Variants in STK24 observed in about 807,000 individuals in gnomAD.
The protein encoded by STK24 is serine/threonine kinase 24.
STK24 carries 21 observed loss-of-function variants against 55.6 expected under a neutral mutation model. The ratio of observed to expected loss-of-function variants is 0.38; its 90% confidence interval spans 0.27 to 0.54. The LOEUF is 0.54. Among genes scored for constraint, STK24 ranks in the 20% least tolerant of loss-of-function variants. The pLI is 0.79. For missense variants in STK24, 383 were observed against 538.4 expected (o/e 0.71, Z 2.86); for synonymous variants, 200 against 215.2 (o/e 0.93, Z 0.62).
intron 1 of STK24, among the ~76,000 whole-genome samples, chr13:98,525,633 G>A (rs766233632): frequency 9.2e-5 from 14 of 152,294 alleles, no homozygotes; most frequent in South Asian, 8.3e-4. Context: ...AGGAGGATCG[G>A]CTTCTCTATG....
intron 1 of STK24, among the ~76,000 whole-genome samples, chr13:98,556,864 G>T (rs1897300901): frequency 6.6e-6 from 1 of 152,222 alleles, no homozygotes; most frequent in Non-Finnish European, 1.5e-5. Context: ...TCAAAATGAT[G>T]TATATATTAG....
chr13:98,549,496 G>C (rs1467441504), intron 1 of STK24, among the ~76,000 whole-genome samples: 1 of 152,194 alleles, frequency 6.6e-6, no homozygotes, highest in Admixed American at 6.5e-5. Flanking sequence ...TGGATCATGG[G>C]GGTGGATCCC....
intron 1 of STK24, among the ~76,000 whole-genome samples, chr13:98,527,993 G>A (rs879263875): frequency 8.5e-5 from 13 of 152,170 alleles, no homozygotes; most frequent in South Asian, 6.2e-4. Context: ...CTCTGGGGGC[G>A]ATGGTCTCCT....
intron 2 of STK24, among the ~76,000 whole-genome samples, chr13:98,493,249 A>G (rs778225458): frequency 2.3e-4 from 35 of 152,240 alleles, no homozygotes; most frequent in African/African-American, 6.3e-4. Context: ...CTCGCGTCCA[A>G]TATGTACAGA....
At position 98,463,765 on chromosome 13, in the gene STK24, G is replaced by C; in HGVS notation, c.855C>G (p.Thr285=). ...LRNAKKTSYL[T]ELIDRYKRWK... is the part of the protein sequence containing the mutation. ...ATCTCTTGTACCTGTCGATGAGCTCGGTCAAGTAGGAAGTTTTCTTTGCAT... is the reference window on the plus strand; with the variant it reads ...ATCTCTTGTACCTGTCGATGAGCTCCGTCAAGTAGGAAGTTTTCTTTGCAT... Residue 285 remains threonine, a synonymous_variant, in exon 7 of 11, where the codon ACC becomes ACG. Coordinates refer to ENST00000539966, the MANE Select transcript of STK24 (RefSeq NM_001032296.4). 2 of 1,614,138 alleles carry C rather than the reference G, an allele frequency of 1.2e-6. No individual in the cohort carries two copies. The highest frequency in any genetic ancestry group is 1.7e-6 in the Non-Finnish European group (2 of 1,180,036).
At chr13:98,550,306 A>AG (rs1478357676) in intron 1 of STK24, among the ~76,000 whole-genome samples, 2 of 152,174 alleles carry the variant, frequency 1.3e-5, no homozygotes, top group Non-Finnish European at 2.9e-5. Context: ...TGGGAGGTCA[A>AG]GGGGGGAAGA....
rs759375606 is a variant in STK24 at position 98,519,492 on chromosome 13, G to C, written c.43-19C>G. 1.2e-6 allele frequency: 2 copies of C among 1,604,712 alleles called. No homozygotes were observed. Among genetic ancestry groups the C allele is most frequent in the South Asian group, 2.2e-5 (2 of 90,686 alleles). ...TTAGGTTCTGTAGAGAGAAGGAAGAGAAAAGGGAAACTTTAGTCCCTCATA... is the reference window on the plus strand; with the variant it reads ...TTAGGTTCTGTAGAGAGAAGGAAGACAAAAGGGAAACTTTAGTCCCTCATA... On this transcript the variant is annotated intron_variant, in intron 1 of 10. Transcript: ENST00000539966.
intron 1 of STK24, among the ~76,000 whole-genome samples, chr13:98,537,814 G>A (rs1210783666): frequency 2.0e-5 from 3 of 152,098 alleles, no homozygotes; most frequent in Admixed American, 6.5e-5. Context: ...CGATTTAAGT[G>A]ACTGACAAAG....
chr13:98,573,412 G>A (rs946990540), intron 1 of STK24, among the ~76,000 whole-genome samples: 3 of 152,160 alleles, frequency 2.0e-5, no homozygotes, highest in African/African-American at 7.2e-5. Context: ...TATAGCCACA[G>A]ATCAGCCTGA....
intron 1 of STK24, among the ~76,000 whole-genome samples, chr13:98,559,656 C>G (rs1268900060): frequency 4.6e-5 from 7 of 151,868 alleles, no homozygotes; most frequent in Non-Finnish European, 8.8e-5. Context: ...TACAACAAAG[C>G]CTGACAACAC....
rs1892960150 is a variant in STK24 at position 98,447,972 on chromosome 13, CGCTCCTAACT to C, written c.*5191_*5200del. ...TCTCCCCAGCAACCAGAGGCCACCTCGCTCCTAACTGCTCCAATGGAGCGGGCAGTGTCAC... is the reference window on the plus strand; with the variant it reads ...TCTCCCCAGCAACCAGAGGCCACCTCGCTCCAATGGAGCGGGCAGTGTCAC... On this transcript the variant is annotated 3_prime_UTR_variant, in exon 11 of 11. Transcript: ENST00000539966. 2.0e-6 allele frequency: 1 copy of C among 504,664 alleles called. No individual in the cohort carries two copies. Among genetic ancestry groups the C allele is most frequent in the Non-Finnish European group, 3.5e-6 (1 of 283,738 alleles). The allele number at this position is 504,664 out of a possible 1,614,324, so 31.3% of individuals were successfully genotyped here. A position where few individuals can be genotyped will look rare whatever the true frequency, so the allele number is the denominator to read the frequency against.
chr13:98,574,546 G>T (rs1399289992), intron 1 of STK24, among the ~76,000 whole-genome samples: 3 of 152,074 alleles, frequency 2.0e-5, no homozygotes, highest in Non-Finnish European at 4.4e-5. Flanking sequence ...TTGTGGGGTG[G>T]GGGAGGAGAA....
intron 1 of STK24, among the ~76,000 whole-genome samples, chr13:98,528,057 G>C: frequency 6.6e-6 from 1 of 152,022 alleles, no homozygotes; most frequent in Non-Finnish European, 1.5e-5. Context: ...GGAGAGAGCC[G>C]TCTCCATCAG....
At chr13:98,521,786 C>T in intron 1 of STK24, 1 of 781,182 alleles carries the variant, frequency 1.3e-6, no homozygotes, top group East Asian at 2.4e-5. Context: ...GTGCTCCCTC[C>T]AGGATGAGGT....
intron 1 of STK24, among the ~76,000 whole-genome samples, chr13:98,568,085 C>T (rs1378589912): frequency 2.0e-5 from 3 of 151,844 alleles, no homozygotes; most frequent in African/African-American, 4.8e-5. Context: ...CTGCAACTTC[C>T]GTCTCCTGGG....
intron 1 of STK24, among the ~76,000 whole-genome samples, chr13:98,575,314 A>G (rs879446516): frequency 2.0e-5 from 3 of 152,032 alleles, no homozygotes; most frequent in Non-Finnish European, 4.4e-5. Flanking sequence ...CTTCCCAGTC[A>G]CTCTTAAGAT....
intron 1 of STK24, among the ~76,000 whole-genome samples, chr13:98,546,410 T>A (rs1239206202): frequency 6.6e-6 from 1 of 152,186 alleles, no homozygotes; most frequent in African/African-American, 2.4e-5. Flanking sequence ...AAGCCTTTTT[T>A]ATAATTTTGC....
intron 1 of STK24, among the ~76,000 whole-genome samples, chr13:98,547,668 G>A (rs1259688856): frequency 1.3e-5 from 2 of 152,204 alleles, no homozygotes; most frequent in African/African-American, 4.8e-5. Flanking sequence ...GACACGCCAT[G>A]GGCTGGGGAG....
At position 98,519,378 on chromosome 13, in the gene STK24, A is replaced by G; in HGVS notation, c.138T>C (p.Thr46=). The G allele has an allele frequency of 1.9e-6, 3 of 1,614,216 alleles. No individual in the cohort carries two copies. The highest frequency in any genetic ancestry group is 2.5e-6 in the Non-Finnish European group (3 of 1,180,040). ...TGATCTTTATGGCAACCACTTTCTG[A>G]GTCCGATTGTCAATGCCTTTGAACA... The part of the protein sequence containing the change: ...GEVFKGIDNR[T]QKVVAIKIID... Residue 46 remains threonine, a synonymous_variant, in exon 2 of 11, where the codon ACT becomes ACC. Coordinates refer to ENST00000539966, the MANE Select transcript of STK24 (RefSeq NM_001032296.4).
Sources: gnomAD v4.1 joint callset for allele counts (sites outside exome capture counted in the v4.1 genomes callset) on GRCh38, gnomAD v4.1.1 for gene constraint, MANE v1.5 for transcripts, NCBI Gene and HGNC (gene_info 2026-07-23, HGNC 2026-07-21) for gene names.